SDK2: variants seen among roughly 807,000 people sequenced by gnomAD.
SDK2 encodes the protein protein sidekick-2.
A neutral mutation model predicts 253.9 loss-of-function variants in SDK2; 105 were observed. The ratio of observed to expected loss-of-function variants is 0.41; its 90% CI spans 0.35 to 0.49. The LOEUF is 0.49. Ranked by LOEUF, SDK2 falls within the 20% of genes least tolerant of loss-of-function variation. The probability of loss-of-function intolerance (pLI) is 0.06; values close to 1 mark genes in which losing one functional copy is unlikely to be tolerated. For synonymous variants in SDK2, 1,249 were observed against 1,234.9 expected (o/e 1.01, Z -0.24); for missense variants, 2,608 against 3,003.0 (o/e 0.87, Z 3.07).
intron 1 of SDK2, among the ~76,000 whole-genome samples, chr17:73,620,067 C>T (rs2046113936): frequency 6.6e-6 from 1 of 152,004 alleles, no homozygotes; most frequent in Non-Finnish European, 1.5e-5. Flanking sequence ...GGTGTGGTGG[C>T]ATGTGCCCAT....
intron 18 of SDK2, among the ~76,000 whole-genome samples, chr17:73,410,853 C>G (rs1384035606): frequency 1.3e-5 from 2 of 152,220 alleles, no homozygotes; most frequent in Non-Finnish European, 2.9e-5. Context: ...CTGCCACCTC[C>G]TCTTGCTCTG....
intron 44 of SDK2, among the ~76,000 whole-genome samples, chr17:73,344,571 AGTT>A (rs1568358501): frequency 6.6e-6 from 1 of 152,250 alleles, no homozygotes; most frequent in Non-Finnish European, 1.5e-5. Flanking sequence ...AAATGGGGAT[AGTT>A]TCACTTGCAT....
intron 1 of SDK2, among the ~76,000 whole-genome samples, chr17:73,592,803 C>A (rs2045701569): frequency 6.6e-6 from 1 of 152,148 alleles, no homozygotes; most frequent in Admixed American, 6.6e-5. Context: ...ATTGTAACCA[C>A]CGTGCGTGAC....
At chr17:73,437,381 G>A (rs981251984) in intron 8 of SDK2, among the ~76,000 whole-genome samples, 3 of 152,150 alleles carry the variant, frequency 2.0e-5, no homozygotes, top group African/African-American at 7.2e-5. Flanking sequence ...GAGCTTATAA[G>A]ACACATCTCA....
At chr17:73,460,623 T>C (rs2063557224) in intron 3 of SDK2, among the ~76,000 whole-genome samples, 1 of 152,232 alleles carries the variant, frequency 6.6e-6, no homozygotes, top group South Asian at 2.1e-4. Context: ...CAATGAAGTT[T>C]ACCCAAAACC....
intron 3 of SDK2, among the ~76,000 whole-genome samples, chr17:73,471,468 A>G (rs1269953745): frequency 1.3e-5 from 2 of 152,130 alleles, no homozygotes; most frequent in Non-Finnish European, 2.9e-5. Flanking sequence ...GTGTGGTGGC[A>G]CATGCCTGTA....
At position 73,379,326 on chromosome 17, in the gene SDK2, G is replaced by A. The variant is rs750510486; in HGVS notation, c.4865-34C>T. On this transcript the variant is annotated intron_variant, in intron 35 of 44. Transcript: ENST00000392650. The surrounding 1 kb of genome is among the most constrained non-coding windows in gnomAD (Gnocchi z 4.5). ...CGTGCAGGGTAGGCAGTGAGCATGC[G>A]AGTAAACCTGGGAGGGGAGGTGGGC... is the stretch of plus-strand genomic sequence containing the variant. 7.3e-6 allele frequency: 10 copies of A among 1,378,318 alleles called. No homozygotes were observed. The highest frequency in any genetic ancestry group is 4.0e-5 in the Admixed American group (2 of 50,326). The allele number at this position is 1,378,318 out of a possible 1,614,324, so 85.4% of individuals were successfully genotyped here.
At chr17:73,572,625 G>A (rs956027976) in intron 1 of SDK2, among the ~76,000 whole-genome samples, 2 of 152,214 alleles carry the variant, frequency 1.3e-5, no homozygotes, top group Non-Finnish European at 2.9e-5. Context: ...GACCATGTCT[G>A]TTTTTGTCTC....
intron 44 of SDK2, among the ~76,000 whole-genome samples, chr17:73,343,397 G>T (rs1333388822): frequency 6.6e-6 from 1 of 152,236 alleles, no homozygotes; most frequent in Non-Finnish European, 1.5e-5. Context: ...CTGAACATCT[G>T]TTTCTTTTCG....
At chr17:73,453,245 G>A (rs1410280778) in intron 4 of SDK2, among the ~76,000 whole-genome samples, 2 of 152,114 alleles carry the variant, frequency 1.3e-5, no homozygotes, top group Admixed American at 1.3e-4. Context: ...AAGTCAGCCA[G>A]TCCCAGACAA....
chr17:73,432,841 T>A (rs150950054), intron 10 of SDK2, among the ~76,000 whole-genome samples: 1 of 149,912 alleles, frequency 6.7e-6, no homozygotes, highest in Non-Finnish European at 1.5e-5. Flanking sequence ...CATGTATGTG[T>A]GTGCATGTGT....
intron 1 of SDK2, among the ~76,000 whole-genome samples, chr17:73,544,902 TC>T (rs1162526028): frequency 6.6e-6 from 1 of 152,056 alleles, no homozygotes; most frequent in Non-Finnish European, 1.5e-5. Context: ...ATTACAGATC[TC>T]AGGTCACTGG....
intron 1 of SDK2, among the ~76,000 whole-genome samples, chr17:73,595,295 G>A (rs1413901370): frequency 6.6e-6 from 1 of 152,206 alleles, no homozygotes; most frequent in African/African-American, 2.4e-5. Context: ...CGGAGAGACA[G>A]AGAAATAGAG....
At chr17:73,552,606 C>T (rs908330850) in intron 1 of SDK2, among the ~76,000 whole-genome samples, 1 of 152,112 alleles carries the variant, frequency 6.6e-6, no homozygotes, top group Non-Finnish European at 1.5e-5. Flanking sequence ...GAAGTACGTA[C>T]GAGCATCACG....
In SDK2 at chr17:73,384,014, G is replaced by T; in HGVS notation, c.4570-3C>A. ...TTGATCTTGTCCTCTGCTGGCGGCT[G>T]CAGGAAGGGAGTAGGGCATGGGGAG... is the stretch of plus-strand genomic sequence containing the variant. On this transcript the variant is annotated splice_region_variant and splice_polypyrimidine_tract_variant and intron_variant, in intron 32 of 44. Transcript: ENST00000392650. 1 of 1,613,218 alleles carries T rather than the reference G, an allele frequency of 6.2e-7. No homozygotes were observed. Among genetic ancestry groups the T allele is most frequent in the Non-Finnish European group, 8.5e-7 (1 of 1,179,614 alleles).
At position 73,643,957 on chromosome 17, in the gene SDK2, T is replaced by TGCCCCCCCCCCCCCCCCCCCCCCC; in HGVS notation, c.64+67_64+68insGGGGGGGGGGGGGGGGGGGGGGGC. The TGCCCCCCCCCCCCCCCCCCCCCCC allele has an allele frequency of 2.9e-6, 3 of 1,019,996 alleles. No homozygotes were observed. Among genetic ancestry groups the TGCCCCCCCCCCCCCCCCCCCCCCC allele is most frequent in the Non-Finnish European group, 4.4e-6 (3 of 674,882 alleles). The allele number at this position is 1,019,996 out of a possible 1,614,324, so 63.2% of individuals were successfully genotyped here. A position where few individuals can be genotyped will look rare whatever the true frequency, so the allele number is the denominator to read the frequency against. On this transcript the variant is annotated intron_variant, in intron 1 of 44. Transcript: ENST00000392650. This position sits in a 1 kb window ranked among gnomAD's most constrained non-coding sequence, Gnocchi z 6.9. ...GGAGGTCACCGTGAGGCCGGCCAGC[T>TGCCCCCCCCCCCCCCCCCCCCCCC]CCCGCCGCCCCTCCCCCGCCCACTC...
chr17:73,368,903 T>G (rs2062709935), intron 36 of SDK2, among the ~76,000 whole-genome samples: 2 of 151,928 alleles, frequency 1.3e-5, no homozygotes, highest in South Asian at 4.1e-4. Flanking sequence ...TCCCAGCTAC[T>G]CTGGAGGCTG....
At chr17:73,441,926 C>T (rs8072365) in intron 5 of SDK2, among the ~76,000 whole-genome samples, 2,428 of 152,178 alleles carry the variant, frequency 0.016, 59 homozygotes, top group African/African-American at 0.055. Context: ...GATGAGGCCA[C>T]GAGGGCCGGG....
At chr17:73,487,841 A>C (rs2063779244) in intron 2 of SDK2, among the ~76,000 whole-genome samples, 1 of 152,180 alleles carries the variant, frequency 6.6e-6, no homozygotes, top group Admixed American at 6.5e-5. Flanking sequence ...ATAGTTAATG[A>C]AAAGGCTGAT....
Sources: gnomAD v4.1 joint callset for allele counts (sites outside exome capture counted in the v4.1 genomes callset) on GRCh38, gnomAD v4.1.1 for gene constraint, Gnocchi (gnomAD v3.1) non-coding constraint, MANE v1.5 for transcripts, NCBI Gene and HGNC (gene_info 2026-07-23, HGNC 2026-07-21) for gene names.